The following CPNE7 variants were observed in gnomAD, a reference collection of about 807,000 sequenced individuals.
CPNE7 encodes the protein copine 7, also known as copine-7.
In CPNE7, 78 loss-of-function variants were observed where a neutral mutation model predicts 66.5. The ratio of observed to expected loss-of-function variants is 1.17; its 90% CI spans 0.98 to 1.42. CPNE7 has a LOEUF of 1.42. Among genes scored for constraint, CPNE7 ranks in the 40% most tolerant of loss-of-function variants. The probability of loss-of-function intolerance (pLI) is 0.00; values close to 1 mark genes in which losing one functional copy is unlikely to be tolerated. For synonymous variants in CPNE7, 468 were observed against 336.7 expected (o/e 1.39, Z -4.27); for missense variants, 1,012 against 776.6 (o/e 1.30, Z -3.60).
chr16:89,592,013 G>GTT lies in CPNE7; in HGVS notation c.1302+764_1302+765dup, dbSNP rs757698942. On this transcript the variant is annotated intron_variant, in intron 13 of 14. Coordinates refer to ENST00000319518, the MANE Select transcript of CPNE7 (RefSeq NM_153636.3). Reference sequence around the variant, plus strand: ...CGTGCCCGGCATTCTTTTTTTTGTTGTTTTTTTTTTTTGAGACGGAGTCTC... The same window carrying GTT: ...CGTGCCCGGCATTCTTTTTTTTGTTGTTTTTTTTTTTTTTGAGACGGAGTCTC... 1.4e-3 allele frequency among the ~76,000 whole-genome samples: 171 copies of GTT among 121,560 alleles called. 4 individuals carry two copies. Among genetic ancestry groups the GTT allele is most frequent in the African/African-American group, 4.7e-3 (156 of 33,486 alleles). The allele number at this position is 121,560 out of a possible 152,430, so 79.7% of individuals were successfully genotyped here. A position where few individuals can be genotyped will look rare whatever the true frequency, so the allele number is the denominator to read the frequency against.
rs199746948 is a variant in CPNE7, at chr16:89,588,786, G to C, written c.1039G>C (p.Glu347Gln). 4.3e-6 allele frequency: 7 copies of C among 1,613,556 alleles called. No homozygotes were observed. The highest frequency in any genetic ancestry group is 5.9e-6 in the Non-Finnish European group (7 of 1,179,918). The change falls in exon 10 of 15, where the codon GAG (glutamate) becomes CAG (glutamine). Residue 347 changes from glutamate to glutamine, a missense_variant. Transcript: ENST00000319518. ...EYLKALVSVG[E>Q]ICQDYDSDKR... ...CCTGAAGGCACTGGTGTCCGTGGGC[G>C]AGATCTGCCAGGACTATGACAGGTG...
chr16:89,590,114 G>T (rs933153933), intron 11 of CPNE7, among the ~76,000 whole-genome samples, 163 bp downstream of exon 11: 8 of 152,236 alleles, frequency 5.3e-5, no homozygotes, highest in Non-Finnish European at 1.0e-4. Flanking sequence ...AGCCAGAGAG[G>T]CTGGCCTTTG....
intron 2 of CPNE7, among the ~76,000 whole-genome samples, chr16:89,579,215 C>T (rs2058908105): frequency 6.6e-6 from 1 of 151,886 alleles, no homozygotes. Context: ...TCACTTGAAC[C>T]TGGGAGGCAG....
At position 89,587,207 on chromosome 16, in the gene CPNE7, GCCCCGCCCAT is replaced by G. The variant is rs1173833780; in HGVS notation, c.927+114_927+123del. 8.8e-5 allele frequency: 37 copies of G among 419,494 alleles called. 1 individual carries two copies. The highest frequency in any genetic ancestry group is 3.5e-4 in the South Asian group (16 of 45,316). The allele number at this position is 419,494 out of a possible 1,614,324, so 26.0% of individuals were successfully genotyped here. ...CCCCTCCCCGCCCCCTCAGTCTGTG[GCCCCGCCCAT>G]CCCCGCCCCCTCAGTCCGTGGCCCC... On this transcript the variant is annotated intron_variant, in intron 9 of 14. Coordinates refer to ENST00000319518, the MANE Select transcript of CPNE7 (RefSeq NM_153636.3).
chr16:89,595,461 C>A lies in CPNE7; in HGVS notation c.1397C>A (p.Ser466Tyr), dbSNP rs762150730. The A allele has an allele frequency of 2.5e-6, 4 of 1,612,300 alleles. No homozygotes were observed. Among genetic ancestry groups the A allele is most frequent in the East Asian group, 2.2e-5 (1 of 44,882 alleles). ...GTGCGTGCCTCACGCCTGCCCATGT[C>A]CATCATCATCGTGGGCGTGGGCAAC... Reference protein sequence around the residue: ...AIVRASRLPMSIIIVGVGNAD... With the variant: ...AIVRASRLPMYIIIVGVGNAD... The change falls in exon 14 of 15, where the codon TCC (serine) becomes TAC (tyrosine). Residue 466 changes from serine to tyrosine, a missense_variant. By Grantham distance (144) the Ser-to-Tyr change is moderately radical. Transcript: ENST00000319518.
chr16:89,578,435 C>T (rs1177686736), intron 2 of CPNE7, among the ~76,000 whole-genome samples: 1 of 152,104 alleles, frequency 6.6e-6, no homozygotes, highest in Admixed American at 6.5e-5. Context: ...ACTTCCACGA[C>T]GTGCAGCAGC....
At chr16:89,576,482 G>A (rs2058861894) in intron 1 of CPNE7, among the ~76,000 whole-genome samples, 1 of 152,038 alleles carries the variant, frequency 6.6e-6, no homozygotes, top group South Asian at 2.1e-4. Context: ...GGAGCAGGCC[G>A]GCGAGGGAGC....
intron 9 of CPNE7, chr16:89,587,534 C>G (rs1184794126): frequency 4.2e-5 from 19 of 453,638 alleles, no homozygotes; most frequent in Middle Eastern, 3.2e-4. Flanking sequence ...GGCTTACCTT[C>G]CACAAACACA....
chr16:89,576,154 G>T, intron 1 of CPNE7, 83 bp downstream of exon 1: 2 of 1,166,214 alleles, frequency 1.7e-6, no homozygotes, highest in Non-Finnish European at 2.2e-6. Flanking sequence ...GAGCGGGCGC[G>T]CTGAGGCCAG....
intron 1 of CPNE7, 111 bp from the exon 2 acceptor site, chr16:89,577,426 GTA>G: frequency 9.2e-7 from 1 of 1,086,672 alleles, no homozygotes; most frequent in Non-Finnish European, 1.3e-6. Flanking sequence ...TCTTCCCAGG[GTA>G]TGAGTCCTCC....
intron 1 of CPNE7, among the ~76,000 whole-genome samples, chr16:89,577,265 C>G (rs1463557683): frequency 1.3e-5 from 2 of 152,146 alleles, no homozygotes; most frequent in African/African-American, 4.8e-5. Context: ...TGAATCTGAT[C>G]TCGCCCCCGA....
rs374618119 is a variant in CPNE7, at chr16:89,597,157, A to G, written c.*536A>G. The G allele has an allele frequency of 2.5e-3, 376 of 152,484 alleles. 3 individuals carry two copies. Among genetic ancestry groups the G allele is most frequent in the African/African-American group, 8.2e-3 (337 of 40,898 alleles). The allele number at this position is 152,484 out of a possible 1,614,324, so 9.4% of individuals were successfully genotyped here. A position where few individuals can be genotyped will look rare whatever the true frequency, so the allele number is the denominator to read the frequency against. ...CCGTCGGGCCTCTGCACCTGGGTCC[A>G]TGGGGTCTGCGGGGTCTGCGGGGTC... On this transcript the variant is annotated 3_prime_UTR_variant, in exon 15 of 15. Coordinates refer to ENST00000319518, the MANE Select transcript of CPNE7 (RefSeq NM_153636.3).
intron 13 of CPNE7, among the ~76,000 whole-genome samples, chr16:89,593,661 C>T (rs748065251): frequency 6.6e-6 from 1 of 152,208 alleles, no homozygotes; most frequent in Non-Finnish European, 1.5e-5. Flanking sequence ...CTACCTCTTA[C>T]TATTTCAGTG....
At position 89,589,897 on chromosome 16, in the gene CPNE7, T is replaced by G; in HGVS notation, c.1062T>G (p.Ser354Arg). 1 of 1,613,712 alleles carries G rather than the reference T, an allele frequency of 6.2e-7. No homozygotes were observed. Among genetic ancestry groups the G allele is most frequent in the South Asian group, 1.1e-5 (1 of 91,080 alleles). Residue 354 changes from serine to arginine, a missense_variant and splice_region_variant, in exon 11 of 15, where the codon AGT becomes AGG. Ser to Arg is a moderately radical substitution (Grantham distance 110). Transcript: ENST00000319518. ...SVGEICQDYDSDKRFSALGFG... is the reference protein window; with the variant it reads ...SVGEICQDYDRDKRFSALGFG... ...TGGTGACCTCCTGCCTCTCTTCCAG[T>G]GACAAGAGGTTTTCCGCTTTGGGGT...
intron 3 of CPNE7, 84 bp downstream of exon 3, chr16:89,583,855 C>A: frequency 6.6e-7 from 1 of 1,523,442 alleles, no homozygotes; most frequent in Non-Finnish European, 9.0e-7. Flanking sequence ...TGGGCAGCAG[C>A]GTGCCGTCCA....
Position 89,576,073 on chromosome 16 carries a change from T to C in CPNE7, c.174+2T>C. On this transcript the variant is annotated splice_donor_variant, in intron 1 of 14. Coordinates refer to ENST00000319518, the MANE Select transcript of CPNE7 (RefSeq NM_153636.3). LOFTEE classifies it high-confidence loss of function. Reference sequence around the variant, plus strand: ...CAGGCGCAGGGCCAGTGGGTGCAGGTAGGGCCGGGGCGTGGGAGGCCGAGA... The same window carrying C: ...CAGGCGCAGGGCCAGTGGGTGCAGGCAGGGCCGGGGCGTGGGAGGCCGAGA... 2.4e-6 allele frequency: 3 copies of C among 1,270,324 alleles called. No homozygotes were observed. Among genetic ancestry groups the C allele is most frequent in the East Asian group, 3.1e-5 (1 of 31,966 alleles). 78.7% of individuals were successfully genotyped at this position (1,270,324 alleles called of 1,614,324 possible).
At chr16:89,576,352 G>C (rs1384491063) in intron 1 of CPNE7, among the ~76,000 whole-genome samples, 2 of 152,068 alleles carry the variant, frequency 1.3e-5, no homozygotes, top group Non-Finnish European at 2.9e-5. Flanking sequence ...GGTTCGGGGA[G>C]GGGGCCCCGG....
rs201721640 is a variant in CPNE7, at chr16:89,590,998, C to T, written c.1117-9C>T. 21 of 1,613,468 alleles carry T rather than the reference C, an allele frequency of 1.3e-5. No individual in the cohort carries two copies. Among genetic ancestry groups the T allele is most frequent in the Non-Finnish European group, 1.6e-5 (19 of 1,179,866 alleles). On this transcript the variant is annotated splice_polypyrimidine_tract_variant and intron_variant, in intron 11 of 14. Coordinates refer to ENST00000319518, the MANE Select transcript of CPNE7 (RefSeq NM_153636.3). ...GAGCAGCTGACTGAGCCCTCTTGTT[C>T]CCACCCAGGTGTCCCATGACTTTGC...
intron 10 of CPNE7, 121 bp downstream of exon 10, chr16:89,588,929 G>T: frequency 5.6e-6 from 7 of 1,242,810 alleles, no homozygotes; most frequent in Admixed American, 2.0e-5. Context: ...CACCCGGCCG[G>T]TTTTCCCTCA....
Sources: allele counts gnomAD v4.1 joint callset (sites outside exome capture counted in the v4.1 genomes callset), GRCh38; gene constraint gnomAD v4.1.1; transcripts MANE v1.5; gene names NCBI Gene and HGNC (gene_info 2026-07-23, HGNC 2026-07-21).